DSG2: variants seen among roughly 807,000 people sequenced by gnomAD.
DSG2 encodes the protein desmoglein-2.
Under a neutral mutation model 75.6 loss-of-function variants are expected in DSG2, and 45 were observed. The observed-to-expected ratio is 0.60, with a 90% CI of 0.47 to 0.76. The LOEUF (loss-of-function observed/expected upper bound fraction) is 0.76, where lower values mean the gene tolerates loss of function less well. Among genes scored for constraint, DSG2 ranks in the 30% least tolerant of loss-of-function variants. The pLI is 0.00. For missense variants in DSG2, 1,267 were observed against 1,357.4 expected (o/e 0.93, Z 1.05); for synonymous variants, 429 against 483.9 (o/e 0.89, Z 1.49).
chr18:31,536,482 A>T (rs1251363016), intron 11 of DSG2, 53 bp downstream of exon 11: 28 of 1,497,026 alleles, frequency 1.9e-5, no homozygotes, highest in Non-Finnish European at 2.6e-5. Context: ...CATGATATCT[A>T]AAATATTTGT....
Position 31,498,270 on chromosome 18 carries a change from C to G in DSG2, c.19C>G (p.Arg7Gly). The G allele has an allele frequency of 4.0e-6, 5 of 1,263,004 alleles. No individual in the cohort carries two copies. Among genetic ancestry groups the G allele is most frequent in the Non-Finnish European group, 3.0e-6 (3 of 999,868 alleles). 78.2% of individuals were successfully genotyped at this position (1,263,004 alleles called of 1,614,324 possible). Residue 7 changes from arginine to glycine, a missense_variant, in exon 1 of 15, where the codon CGC becomes GGC. Coordinates refer to ENST00000261590, the MANE Select transcript of DSG2 (RefSeq NM_001943.5). ...GGGTGCGATGGCGCGGAGCCCGGGA[C>G]GCGCGTACGCCCTGCTGCTTCTCCT... The part of the protein sequence containing the change: MARSPG[R>G]AYALLLLLIC...
chr18:31,542,274 A>G, intron 13 of DSG2: 1 of 567,526 alleles, frequency 1.8e-6, no homozygotes, highest in South Asian at 2.0e-5. Flanking sequence ...CATAGAGTAA[A>G]GGAGCTGAGA....
rs2144323389 is a variant in DSG2, at chr18:31,524,893, G to A, written c.1014+5G>A. ...GGAATTGTGACCCTTATTAAGGTAA[G>A]TACTAAGTATTCAAAACTGGCGTGG... On this transcript the variant is annotated splice_donor_5th_base_variant and intron_variant, in intron 8 of 14. Transcript: ENST00000261590. 3 of 1,614,064 alleles carry A rather than the reference G, an allele frequency of 1.9e-6. No individual in the cohort carries two copies. The highest frequency in any genetic ancestry group is 2.5e-6 in the Non-Finnish European group (3 of 1,179,918).
chr18:31,531,169 G>C lies in DSG2; in HGVS notation c.1197G>C (p.Glu399Asp). The change falls in exon 9 of 15, where the codon GAG (glutamate) becomes GAC (aspartate). Residue 399 changes from glutamate (E) to aspartate (D), a missense_variant. Physicochemically the swap from Glu to Asp is conservative, Grantham distance 45. Coordinates refer to ENST00000261590, the MANE Select transcript of DSG2 (RefSeq NM_001943.5). ...KSSVISIYVS[E>D]SMDRSSKGQI... Reference sequence around the variant, plus strand: ...GCGTCATCTCAATTTATGTTAGCGAGAGCATGGATAGATCAAGCAAAGGCC... The same window carrying C: ...GCGTCATCTCAATTTATGTTAGCGACAGCATGGATAGATCAAGCAAAGGCC... The C allele has an allele frequency of 6.2e-7, 1 of 1,614,190 alleles. No individual in the cohort carries two copies. Among genetic ancestry groups the C allele is most frequent in the Non-Finnish European group, 8.5e-7 (1 of 1,180,026 alleles).
intron 12 of DSG2, among the ~76,000 whole-genome samples, chr18:31,540,234 CA>C (rs2144349041): frequency 6.6e-6 from 1 of 152,242 alleles, no homozygotes; most frequent in East Asian, 1.9e-4. Context: ...TCCCTGGTGT[CA>C]AAAAGGTTGG....
intron 11 of DSG2, among the ~76,000 whole-genome samples, chr18:31,537,348 G>T (rs183675366): frequency 1.9e-4 from 29 of 152,112 alleles, no homozygotes; most frequent in Non-Finnish European, 1.6e-4. Context: ...AGCCAGGTGC[G>T]GTGGCTCACG....
At chr18:31,518,145 T>A in intron 1 of DSG2, 94 bp from the exon 2 acceptor site, 2 of 1,023,206 alleles carry the variant, frequency 2.0e-6, no homozygotes, top group Non-Finnish European at 3.0e-6. Flanking sequence ...TTTTTATGTC[T>A]ATAATATTCA....
intron 1 of DSG2, among the ~76,000 whole-genome samples, chr18:31,503,665 T>A: frequency 6.6e-6 from 1 of 152,126 alleles, no homozygotes; most frequent in East Asian, 1.9e-4. Context: ...TTAAGTATAA[T>A]TGCGCCCAGT....
intron 12 of DSG2, among the ~76,000 whole-genome samples, chr18:31,539,803 G>A (rs1168265117): frequency 6.6e-6 from 1 of 152,186 alleles, no homozygotes; most frequent in Admixed American, 6.5e-5. Flanking sequence ...GAGGTGAGTG[G>A]TGGAAGAGTG....
intron 8 of DSG2, among the ~76,000 whole-genome samples, chr18:31,525,930 C>T (rs559753132): frequency 6.6e-5 from 10 of 152,170 alleles, no homozygotes; most frequent in African/African-American, 2.4e-4. Context: ...ATCACGAGGT[C>T]AGGAGTTCGA....
chr18:31,546,103 T>C lies in DSG2; in HGVS notation c.2717T>C (p.Ile906Thr), dbSNP rs761966082. The C allele has an allele frequency of 1.2e-6, 2 of 1,614,024 alleles. No individual in the cohort carries two copies. Among genetic ancestry groups the C allele is most frequent in the African/African-American group, 1.3e-5 (1 of 74,890 alleles). Reference protein sequence around the residue: ...EANAEKVTQEIVTERSVSSRQ... With the variant: ...EANAEKVTQETVTERSVSSRQ... ...AATGCAGAGAAAGTAACTCAGGAAA[T>C]AGTCACTGAAAGATCTGTGTCTTCT... Residue 906 changes from isoleucine (I) to threonine (T), a missense_variant, in exon 15 of 15, where the codon ATA becomes ACA. Coordinates refer to ENST00000261590, the MANE Select transcript of DSG2 (RefSeq NM_001943.5).
intron 1 of DSG2, among the ~76,000 whole-genome samples, chr18:31,511,214 A>G (rs2073064465): frequency 6.6e-6 from 1 of 152,204 alleles, no homozygotes; most frequent in Admixed American, 6.5e-5. Flanking sequence ...GGCCAGTTGC[A>G]GCCAGATAAC....
chr18:31,536,697 C>G (rs2073233028), intron 11 of DSG2, among the ~76,000 whole-genome samples: 1 of 152,136 alleles, frequency 6.6e-6, no homozygotes, highest in African/African-American at 2.4e-5. Context: ...GAGTACCAAG[C>G]CTTTGTCAGC....
At chr18:31,502,973 G>C (rs971847055) in intron 1 of DSG2, among the ~76,000 whole-genome samples, 1 of 152,164 alleles carries the variant, frequency 6.6e-6, no homozygotes, top group African/African-American at 2.4e-5. Flanking sequence ...TATCTTCTCA[G>C]TTTTGTTTTT....
Position 31,542,561 on chromosome 18 carries a change from A to T in DSG2, c.2043A>T (p.Leu681=), listed in dbSNP as rs780836969. 27 of 1,613,928 alleles carry T rather than the reference A, an allele frequency of 1.7e-5. No individual in the cohort carries two copies. Among genetic ancestry groups the T allele is most frequent in the Non-Finnish European group, 2.0e-5 (24 of 1,180,012 alleles). ...TGCCAGTGGATCAAGGGGGCAGTCT[A>T]GTAGGAAGAAATGGAGTAGGAGGTA... ...SFLPVDQGGS[L]VGRNGVGGMA... The change falls in exon 14 of 15, where the codon CTA becomes CTT. Residue 681 remains leucine (L), a synonymous_variant. Transcript: ENST00000261590.
Position 31,522,198 on chromosome 18 carries a change from A to G in DSG2, c.639A>G (p.Leu213=). 4 of 1,613,926 alleles carry G rather than the reference A, an allele frequency of 2.5e-6. No homozygotes were observed. In the South Asian group the frequency reaches 4.4e-5, roughly 18 times the overall value. ...LEPAYPPVFY[L]NKDTGEIYTT... Reference sequence around the variant, plus strand: ...CTGCTTATCCTCCAGTGTTCTACCTAAATAAAGATACAGGAGAGATTTATA... The same window carrying G: ...CTGCTTATCCTCCAGTGTTCTACCTGAATAAAGATACAGGAGAGATTTATA... The change falls in exon 6 of 15, where the codon CTA becomes CTG. Residue 213 remains leucine, a synonymous_variant. Transcript: ENST00000261590.
intron 1 of DSG2, among the ~76,000 whole-genome samples, chr18:31,510,290 G>A (rs1288236567): frequency 6.6e-6 from 1 of 152,188 alleles, no homozygotes; most frequent in Admixed American, 6.5e-5. Flanking sequence ...AAACTAATTT[G>A]TATTTCTCTA....
In DSG2 at chr18:31,502,888, G is replaced by T. The variant is rs148780032; in HGVS notation, c.45+4592G>T. On this transcript the variant is annotated intron_variant, in intron 1 of 14. Transcript: ENST00000261590. ...TTTTTAATCACAGCTTTTTTCCCTT[G>T]TCTTTCACTCTGACACAGATTTCAA... 4.3e-4 allele frequency among the ~76,000 whole-genome samples: 66 copies of T among 152,242 alleles called. No homozygotes were observed. The East Asian group carries it at 9.6e-3, about 22-fold the overall frequency.
At chr18:31,500,227 A>G (rs2073007028) in intron 1 of DSG2, among the ~76,000 whole-genome samples, 1 of 152,164 alleles carries the variant, frequency 6.6e-6, no homozygotes, top group South Asian at 2.1e-4. Flanking sequence ...CTGACTACCT[A>G]AGTGTAGGAA....
Sources: allele counts gnomAD v4.1 joint callset (sites outside exome capture counted in the v4.1 genomes callset), GRCh38; gene constraint gnomAD v4.1.1; transcripts MANE v1.5; gene names NCBI Gene and HGNC (gene_info 2026-07-23, HGNC 2026-07-21).